SPG11: variants seen among roughly 807,000 people sequenced by gnomAD.
The protein encoded by SPG11 is spatacsin.
A neutral mutation model predicts 274.0 loss-of-function variants in SPG11; 222 were observed. The ratio of observed to expected loss-of-function variants is 0.81; its 90% CI spans 0.73 to 0.91. The LOEUF is 0.91. SPG11 is among the 40% of genes least tolerant of loss of function. The probability of loss-of-function intolerance (pLI) is 0.00; values close to 1 mark genes in which losing one functional copy is unlikely to be tolerated. For synonymous variants in SPG11, 1,144 were observed against 1,039.7 expected (o/e 1.10, Z -1.93); for missense variants, 3,114 against 2,872.7 (o/e 1.08, Z -1.92).
At chr15:44,655,668 T>G (rs997086832) in intron 4 of SPG11, among the ~76,000 whole-genome samples, 1 of 152,198 alleles carries the variant, frequency 6.6e-6, no homozygotes, top group Non-Finnish European at 1.5e-5. Context: ...ACTGTTTATG[T>G]TATCAGTAAG....
chr15:44,574,349 C>T (rs1388049123), intron 31 of SPG11, among the ~76,000 whole-genome samples: 2 of 152,158 alleles, frequency 1.3e-5, no homozygotes, highest in Non-Finnish European at 2.9e-5. Context: ...GACTAAAATA[C>T]GAGAGCCTTT....
In SPG11 at chr15:44,610,929, T is replaced by C; in HGVS notation, c.3202A>G (p.Asn1068Asp). 1 of 1,613,844 alleles carries C rather than the reference T, an allele frequency of 6.2e-7. No homozygotes were observed. Among genetic ancestry groups the C allele is most frequent in the Non-Finnish European group, 8.5e-7 (1 of 1,179,934 alleles). The change falls in exon 18 of 40, where the codon AAT (asparagine) becomes GAT (aspartate). Residue 1068 changes from asparagine to aspartate, a missense_variant. Coordinates refer to ENST00000261866, the MANE Select transcript of SPG11 (RefSeq NM_025137.4). Reference protein sequence around the residue: ...LANAQILIPTNQASVSSMLLE... With the variant: ...LANAQILIPTDQASVSSMLLE... ...AGCATACTGCTTACACTGGCCTGATTGGTGGGAATCAAAATCTGAGCATTT... is the reference window on the plus strand; with the variant it reads ...AGCATACTGCTTACACTGGCCTGATCGGTGGGAATCAAAATCTGAGCATTT...
At chr15:44,567,403 T>C (rs1462263461) in intron 36 of SPG11, 21 bp downstream of exon 36, 4 of 1,610,734 alleles carry the variant, frequency 2.5e-6, no homozygotes, top group East Asian at 2.2e-5. Flanking sequence ...GTTCTGGTAG[T>C]GTGGCTGTGA....
intron 3 of SPG11, among the ~76,000 whole-genome samples, chr15:44,658,632 T>C (rs970741650): frequency 2.0e-5 from 3 of 152,068 alleles, no homozygotes; most frequent in Non-Finnish European, 2.9e-5. Flanking sequence ...CTAATTTTTT[T>C]GTATTTTTAG....
intron 7 of SPG11, among the ~76,000 whole-genome samples, chr15:44,635,973 A>C (rs937343138): frequency 3.3e-5 from 5 of 152,106 alleles, no homozygotes; most frequent in Non-Finnish European, 7.4e-5. Flanking sequence ...AGTGTGCATA[A>C]GAATCACCTG....
intron 27 of SPG11, 140 bp from the exon 28 acceptor site, chr15:44,589,554 T>C: frequency 1.0e-6 from 1 of 992,194 alleles, no homozygotes; most frequent in South Asian, 1.4e-5. Context: ...TCAGTTCCTT[T>C]CCAAATGGCA....
chr15:44,646,747 G>T (rs888956675), intron 7 of SPG11, among the ~76,000 whole-genome samples: 1 of 152,178 alleles, frequency 6.6e-6, no homozygotes, highest in Non-Finnish European at 1.5e-5. Context: ...GATACTGGGT[G>T]TTCTCACTTA....
chr15:44,591,429 G>A (rs2082897279), intron 27 of SPG11, among the ~76,000 whole-genome samples: 2 of 152,136 alleles, frequency 1.3e-5, no homozygotes, highest in African/African-American at 2.4e-5. Context: ...TTAGTGCTTA[G>A]TCTTTATTTA....
chr15:44,574,236 T>C (rs1414171709), intron 31 of SPG11, among the ~76,000 whole-genome samples: 1 of 152,222 alleles, frequency 6.6e-6, no homozygotes, highest in Non-Finnish European at 1.5e-5. Context: ...ACTCCTGCCC[T>C]CAAGTAATCC....
intron 29 of SPG11, 88 bp from the exon 30 acceptor site, chr15:44,584,646 T>C (rs112231918): frequency 1.2e-5 from 17 of 1,464,662 alleles, no homozygotes; most frequent in Non-Finnish European, 1.6e-5. Flanking sequence ...TCATACTTGT[T>C]TGGACAGGGT....
intron 4 of SPG11, among the ~76,000 whole-genome samples, chr15:44,652,487 CACTT>C (rs1322392806): frequency 6.6e-6 from 1 of 152,126 alleles, no homozygotes; most frequent in Admixed American, 6.5e-5. Flanking sequence ...GCAGTAAGAA[CACTT>C]ACTGTCTACT....
rs1269833760 is a variant in SPG11 at position 44,573,654 on chromosome 15, T to C, written c.6098A>G (p.Lys2033Arg). ...TGTGCTGATGAAGGCCTGGGCTCGT[T>C]TGCATCGGTCAGGCTGCTGAGAGGC... ...ILASQQPDRC[K>R]RAQAFISTQG... is the part of the protein sequence containing the mutation. The change falls in exon 32 of 40, where the codon AAA becomes AGA. Residue 2033 changes from lysine to arginine, a missense_variant. Coordinates refer to ENST00000261866, the MANE Select transcript of SPG11 (RefSeq NM_025137.4). The C allele has an allele frequency of 8.7e-6, 14 of 1,614,078 alleles. No homozygotes were observed. The highest frequency in any genetic ancestry group is 2.7e-5 in the African/African-American group (2 of 74,918).
At chr15:44,609,201 G>A (rs192866168) in intron 18 of SPG11, among the ~76,000 whole-genome samples, 8 of 151,870 alleles carry the variant, frequency 5.3e-5, no homozygotes, top group African/African-American at 9.7e-5. Flanking sequence ...GCGCGATCTC[G>A]GCTCACTGCA....
Position 44,629,362 on chromosome 15 carries a change from C to T in SPG11, c.1762G>A (p.Asp588Asn), listed in dbSNP as rs1324881129. 1 of 1,614,068 alleles carries T rather than the reference C, an allele frequency of 6.2e-7. No individual in the cohort carries two copies. The highest frequency in any genetic ancestry group is 8.5e-7 in the Non-Finnish European group (1 of 1,180,012). Reference sequence around the variant, plus strand: ...TCTCTAATTGCCGAGCAAAGTAAATCCAATGCTGGTATCAGCTCTTCCACA... The same window carrying T: ...TCTCTAATTGCCGAGCAAAGTAAATTCAATGCTGGTATCAGCTCTTCCACA... ...RNVEELIPALDLLCSAIRESY... is the reference protein window; with the variant it reads ...RNVEELIPALNLLCSAIRESY... The change falls in exon 9 of 40, where the codon GAT becomes AAT. Residue 588 changes from aspartate to asparagine, a missense_variant. Transcript: ENST00000261866.
intron 19 of SPG11, among the ~76,000 whole-genome samples, chr15:44,606,939 G>A (rs2083336644): frequency 6.6e-6 from 1 of 152,160 alleles, no homozygotes; most frequent in African/African-American, 2.4e-5. Flanking sequence ...ACAAGACACA[G>A]GGGCATCTGT....
chr15:44,618,813 A>C (rs2083662049), intron 15 of SPG11, among the ~76,000 whole-genome samples: 1 of 151,144 alleles, frequency 6.6e-6, no homozygotes, highest in African/African-American at 2.4e-5. Context: ...GCGAGACTCC[A>C]TCTCAAAAAA....
chr15:44,612,859 C>T (rs1400462180), intron 17 of SPG11, among the ~76,000 whole-genome samples: 1 of 152,170 alleles, frequency 6.6e-6, no homozygotes, highest in Non-Finnish European at 1.5e-5. Context: ...TGAAAGACTA[C>T]TGACATTCCT....
chr15:44,623,303 T>G (rs1567170661), intron 11 of SPG11, among the ~76,000 whole-genome samples: 1 of 152,158 alleles, frequency 6.6e-6, no homozygotes, highest in Non-Finnish European at 1.5e-5. Context: ...TTAAGCATTT[T>G]GTCAGAGCAA....
chr15:44,619,662 G>A (rs2083685263), intron 15 of SPG11, among the ~76,000 whole-genome samples: 1 of 151,788 alleles, frequency 6.6e-6, no homozygotes. Flanking sequence ...GTTTTGGGAG[G>A]AACCTGCATC....
Sources: allele counts gnomAD v4.1 joint callset (sites outside exome capture counted in the v4.1 genomes callset), GRCh38; gene constraint gnomAD v4.1.1; transcripts MANE v1.5; gene names NCBI Gene and HGNC (gene_info 2026-07-23, HGNC 2026-07-21).